Variants in CD300LB observed in about 807,000 individuals in gnomAD.
CD300LB encodes the protein CMRF35-like molecule 7.
Under a neutral mutation model 20.8 loss-of-function variants are expected in CD300LB, and 18 were observed. The observed-to-expected ratio is 0.87, with a 90% CI of 0.60 to 1.28. The LOEUF (loss-of-function observed/expected upper bound fraction) is 1.28. Ranked by LOEUF, CD300LB falls within the 50% of genes most tolerant of loss-of-function variation. The pLI is 0.00. For missense variants in CD300LB, 222 were observed against 251.8 expected, an observed-to-expected ratio of 0.88 and a Z score of 0.80; for synonymous variants, 91 against 91.3, an observed-to-expected ratio of 1.00 and a Z score of 0.02.
At chr17:74,523,767 G>A in intron 2 of CD300LB, 116 bp from the exon 3 acceptor site, 2 of 715,320 alleles carry the variant, frequency 2.8e-6, no homozygotes, top group Non-Finnish European at 5.2e-6. Flanking sequence ...CCTGGAGTAG[G>A]AGGATTTTTC....
intron 1 of CD300LB, among the ~76,000 whole-genome samples, chr17:74,527,053 A>G (rs892762311): frequency 6.6e-6 from 1 of 152,220 alleles, no homozygotes; most frequent in African/African-American, 2.4e-5. Context: ...GACACACTGG[A>G]TGTCTCCACC....
rs766443786 is a variant in CD300LB at position 74,522,786 on chromosome 17, A to T, written c.558T>A (p.Pro186=). ...QRVPEEPGEQ[P]IYMNFSEPLT... ...GAGGTTCGGAGAAGTTCATGTAGAT[A>T]GGCTGTTCCCCTGGCTCCTCAGGGA... is the stretch of plus-strand genomic sequence containing the variant. Residue 186 remains proline, a synonymous_variant, in exon 4 of 4, where the codon CCT becomes CCA. Transcript: ENST00000392621. 1.1e-5 allele frequency: 17 copies of T among 1,614,058 alleles called. No individual in the cohort carries two copies. In the South Asian group the frequency reaches 1.6e-4, roughly 16 times the overall value.
Position 74,522,664 on chromosome 17 carries a change from T to C in CD300LB, c.*74A>G. 6.3e-7 allele frequency: 1 copy of C among 1,591,700 alleles called. No homozygotes were observed. Among genetic ancestry groups the C allele is most frequent in the South Asian group, 1.1e-5 (1 of 87,926 alleles). On this transcript the variant is annotated 3_prime_UTR_variant, in exon 4 of 4. Coordinates refer to ENST00000392621, the MANE Select transcript of CD300LB (RefSeq NM_174892.4). ...TCAGTCACTGCATCCCGAGGACTCG[T>C]AGATGTTCCTTCCACAGCCCGAGTC...
chr17:74,530,415 C>T (rs1908168416), intron 1 of CD300LB, among the ~76,000 whole-genome samples: 1 of 152,126 alleles, frequency 6.6e-6, no homozygotes, highest in Admixed American at 6.5e-5. Context: ...GCGTGGATGG[C>T]CTTCATAATC....
chr17:74,531,287 G>T lies in CD300LB; in HGVS notation c.40+24C>A, dbSNP rs201886716. The T allele has an allele frequency of 1.4e-5, 22 of 1,526,864 alleles. No homozygotes were observed. The African/African-American group carries it at 2.7e-4, about 19-fold the overall frequency. 94.6% of individuals were successfully genotyped at this position (1,526,864 alleles called of 1,614,324 possible). A position where few individuals can be genotyped will look rare whatever the true frequency, so the allele number is the denominator to read the frequency against. ...CTGCCCTGCCCCTGTCATACCAAGCGCCCAAGGCCCCAGCCCCACTCACCT... is the reference window on the plus strand; with the variant it reads ...CTGCCCTGCCCCTGTCATACCAAGCTCCCAAGGCCCCAGCCCCACTCACCT... On this transcript the variant is annotated intron_variant, in intron 1 of 3. Transcript: ENST00000392621.
chr17:74,527,672 G>GGA (rs1157775229), intron 1 of CD300LB, among the ~76,000 whole-genome samples: 6 of 150,122 alleles, frequency 4.0e-5, no homozygotes, highest in Non-Finnish European at 5.9e-5. Context: ...GAGGGTTGAG[G>GGA]GAGAGTCCAA....
chr17:74,526,748 T>C (rs1349684501), intron 1 of CD300LB, among the ~76,000 whole-genome samples: 1 of 152,180 alleles, frequency 6.6e-6, no homozygotes, highest in Non-Finnish European at 1.5e-5. Context: ...GGTTTTAATA[T>C]TTGCCAAATT....
intron 1 of CD300LB, among the ~76,000 whole-genome samples, chr17:74,527,069 T>G (rs1361337188): frequency 6.6e-6 from 1 of 152,382 alleles, no homozygotes; most frequent in African/African-American, 2.4e-5. Context: ...CCACCCCAGA[T>G]TCCTTCGTTG....
intron 1 of CD300LB, 46 bp downstream of exon 1, chr17:74,531,260 TCCTGC>T: frequency 6.8e-7 from 1 of 1,478,102 alleles, no homozygotes; most frequent in Non-Finnish European, 9.0e-7. Context: ...GCCCTCTGCC[TCCTGC>T]CCTGCCCCTG....
intron 1 of CD300LB, among the ~76,000 whole-genome samples, chr17:74,529,733 T>C (rs1908144525): frequency 6.6e-6 from 1 of 152,114 alleles, no homozygotes; most frequent in South Asian, 2.1e-4. Context: ...GAGGTTGCAG[T>C]GAGCCAAGGT....
At chr17:74,523,382 G>A (rs748544660) in intron 3 of CD300LB, 197 bp downstream of exon 3, 110 of 596,170 alleles carry the variant, frequency 1.8e-4, no homozygotes, top group East Asian at 1.3e-3. Flanking sequence ...TCTGCAGAGC[G>A]GTTTTCTGGT....
rs1908009884 is a variant in CD300LB at position 74,525,730 on chromosome 17, A to G, written c.370+18T>C. 2 of 1,607,266 alleles carry G rather than the reference A, an allele frequency of 1.2e-6. No individual in the cohort carries two copies. Among genetic ancestry groups the G allele is most frequent in the Non-Finnish European group, 1.7e-6 (2 of 1,175,570 alleles). On this transcript the variant is annotated intron_variant, in intron 2 of 3. Transcript: ENST00000392621. ...CCTGAGCTCCAGGGCCTCCTTGTGT[A>G]GATGAGAAAGTTCTTACCTGGGTCA...
At position 74,525,907 on chromosome 17, in the gene CD300LB, C is replaced by G. The variant is rs1408936188; in HGVS notation, c.211G>C (p.Glu71Gln). 13 of 1,614,178 alleles carry G rather than the reference C, an allele frequency of 8.1e-6. No homozygotes were observed. The highest frequency in any genetic ancestry group is 1.1e-5 in the Non-Finnish European group (13 of 1,180,034). Residue 71 changes from glutamate to glutamine, a missense_variant, in exon 2 of 4, where the codon GAG becomes CAG. Coordinates refer to ENST00000392621, the MANE Select transcript of CD300LB (RefSeq NM_174892.4). ...TTGATGGACACACGGTCACTCTTCT[C>G]TCCTTGCTCCGACCCTCTGGTTTCA... ...LIETRGSEQG[E>Q]KSDRVSIKDN...
rs1475465965 is a variant in CD300LB, at chr17:74,521,576, G to C, written c.*1162C>G. On this transcript the variant is annotated 3_prime_UTR_variant, in exon 4 of 4. Transcript: ENST00000392621. ...AAGGACAAGAAGAGGGGAGGCTCTG[G>C]GTGCCATGCTAGGGACCAGAGGGTC... 1 of 985,484 alleles carries C rather than the reference G, an allele frequency of 1.0e-6. No homozygotes were observed. The highest frequency in any genetic ancestry group is 1.2e-6 in the Non-Finnish European group (1 of 829,962). 61.0% of individuals were successfully genotyped at this position (985,484 alleles called of 1,614,324 possible). A position where few individuals can be genotyped will look rare whatever the true frequency, so the allele number is the denominator to read the frequency against.
intron 1 of CD300LB, 35 bp downstream of exon 1, chr17:74,531,276 T>C: frequency 6.6e-7 from 1 of 1,517,674 alleles, no homozygotes; most frequent in African/African-American, 1.4e-5. Context: ...CCTGCCCCTG[T>C]CATACCAAGC....
chr17:74,531,469 G>A lies in CD300LB; in HGVS notation c.-119C>T, dbSNP rs370556479. The A allele has an allele frequency of 1.7e-5, 27 of 1,557,004 alleles. No homozygotes were observed. Among genetic ancestry groups the A allele is most frequent in the Middle Eastern group, 3.4e-4 (2 of 5,848 alleles). ...CTTGCACCTTCTGCACATCTAGACC[G>A]CCTTTGACTTTCTTACTCATTCACT... On this transcript the variant is annotated 5_prime_UTR_variant, in exon 1 of 4. Transcript: ENST00000392621.
intron 3 of CD300LB, 105 bp from the exon 4 acceptor site, chr17:74,523,005 G>C: frequency 9.1e-7 from 1 of 1,104,116 alleles, no homozygotes; most frequent in Non-Finnish European, 1.3e-6. Flanking sequence ...ACCCTGGGCC[G>C]GGCAGCCCCA....
At chr17:74,527,588 C>T (rs145115210) in intron 1 of CD300LB, among the ~76,000 whole-genome samples, 1 of 152,300 alleles carries the variant, frequency 6.6e-6, no homozygotes, top group East Asian at 1.9e-4. Flanking sequence ...AGGGACTCTG[C>T]CGATGTGATG....
chr17:74,529,619 T>C (rs1908140103), intron 1 of CD300LB, among the ~76,000 whole-genome samples: 1 of 152,162 alleles, frequency 6.6e-6, no homozygotes, highest in South Asian at 2.1e-4. Flanking sequence ...GGTGAAATCC[T>C]GTCTCTACTA....
Sources: gnomAD v4.1 joint callset for allele counts (sites outside exome capture counted in the v4.1 genomes callset) on GRCh38, gnomAD v4.1.1 for gene constraint, MANE v1.5 for transcripts, NCBI Gene and HGNC (gene_info 2026-07-23, HGNC 2026-07-21) for gene names.